PLXNC1: variants seen among roughly 807,000 people sequenced by gnomAD.
PLXNC1 encodes plexin-C1.
PLXNC1 carries 75 observed loss-of-function variants against 178.2 expected under a neutral mutation model. That is an observed-to-expected ratio of 0.42 (90% confidence interval 0.35 to 0.51). PLXNC1 has a LOEUF of 0.51. PLXNC1 is among the 20% of genes least tolerant of loss of function. The pLI is 0.02. For synonymous variants in PLXNC1, 790 were observed against 779.9 expected (o/e 1.01, Z -0.22); for missense variants, 1,503 against 1,984.4 (o/e 0.76, Z 4.61).
rs534063045 is a variant in PLXNC1 at position 94,265,553 on chromosome 12, A to G, written c.3597+328A>G. 1.8e-4 allele frequency among the ~76,000 whole-genome samples: 27 copies of G among 152,360 alleles called. No homozygotes were observed. In the East Asian group the frequency reaches 5.2e-3, roughly 29 times the overall value. ...CTATTCAGCACTTATAATTGCAATC[A>G]GAATTTCTCAAATGGCTCTGCTCTG... On this transcript the variant is annotated intron_variant, in intron 21 of 30. Coordinates refer to ENST00000258526, the MANE Select transcript of PLXNC1 (RefSeq NM_005761.3).
intron 10 of PLXNC1, among the ~76,000 whole-genome samples, chr12:94,239,885 T>C (rs1964336894): frequency 6.6e-6 from 1 of 152,230 alleles, no homozygotes; most frequent in African/African-American, 2.4e-5. Context: ...GTGCTGTGTT[T>C]TACCCTCTCA....
At chr12:94,240,693 C>T (rs753270152) in intron 11 of PLXNC1, 29 bp downstream of exon 11, 8 of 1,546,954 alleles carry the variant, frequency 5.2e-6, no homozygotes, top group Non-Finnish European at 6.2e-6. Context: ...ATCTTTTTCT[C>T]ATTGTGGTTA....
At chr12:94,198,013 C>G (rs545437146) in intron 4 of PLXNC1, among the ~76,000 whole-genome samples, 108 of 152,314 alleles carry the variant, frequency 7.1e-4, no homozygotes, top group African/African-American at 2.5e-3. Context: ...GTGTCAGTCA[C>G]TGTCCTAAGC....
At chr12:94,297,524 T>A in intron 26 of PLXNC1, 101 bp downstream of exon 26, 1 of 806,522 alleles carries the variant, frequency 1.2e-6, no homozygotes, top group South Asian at 1.6e-5. Flanking sequence ...AAATCCCTTG[T>A]GCCTTCTAGC....
In PLXNC1 at chr12:94,149,657, C is replaced by A; in HGVS notation, c.686C>A (p.Ala229Glu). ...GGGCGCCTCAAGCTGTGCGAGGGCG[C>A]GGGCAGCCTGCACTTCGTGGACGCC... ...ELGRLKLCEG[A>E]GSLHFVDAFL... The change falls in exon 1 of 31, where the codon GCG (alanine) becomes GAG (glutamate). Residue 229 changes from alanine (A) to glutamate (E), a missense_variant. By Grantham distance (107) the Ala-to-Glu change is moderately radical. Coordinates refer to ENST00000258526, the MANE Select transcript of PLXNC1 (RefSeq NM_005761.3). 2 of 1,605,684 alleles carry A rather than the reference C, an allele frequency of 1.2e-6. No homozygotes were observed. The highest frequency in any genetic ancestry group is 8.5e-7 in the Non-Finnish European group (1 of 1,176,444).
chr12:94,218,389 A>C (rs1963704029), intron 5 of PLXNC1, among the ~76,000 whole-genome samples: 1 of 152,208 alleles, frequency 6.6e-6, no homozygotes, highest in African/African-American at 2.4e-5. Context: ...CTTAGGTGGC[A>C]GTGCCTAAGT....
chr12:94,274,155 T>TAAAAAAAAAAAAAAAAAAAAA (rs3060881), intron 21 of PLXNC1, among the ~76,000 whole-genome samples: 2 of 45,376 alleles, frequency 4.4e-5, no homozygotes, highest in African/African-American at 2.4e-4. Context: ...ACCCTGTCTC[T>TAAAAAAAAAAAAAAAAAAAAA]AAAAAAAAAA....
intron 1 of PLXNC1, among the ~76,000 whole-genome samples, chr12:94,164,811 G>A (rs1282728500): frequency 1.3e-5 from 2 of 152,032 alleles, no homozygotes. Context: ...TTGAGCCAAG[G>A]TAGCTTTCTC....
intron 4 of PLXNC1, among the ~76,000 whole-genome samples, chr12:94,192,708 G>A (rs1962770997): frequency 6.6e-6 from 1 of 152,038 alleles, no homozygotes; most frequent in Admixed American, 6.6e-5. Context: ...AGCCCTGGCT[G>A]ACATCATGCT....
chr12:94,282,875 T>C (rs1966550730), intron 23 of PLXNC1: 2 of 156,136 alleles, frequency 1.3e-5, no homozygotes, highest in Admixed American at 6.2e-5. Flanking sequence ...TGAGCGATAC[T>C]TCCTTTGGCC....
At position 94,303,746 on chromosome 12, in the gene PLXNC1, T is replaced by C. The variant is rs946660444; in HGVS notation, c.4387-10T>C. 6 of 1,401,600 alleles carry C rather than the reference T, an allele frequency of 4.3e-6. No individual in the cohort carries two copies. Among genetic ancestry groups the C allele is most frequent in the South Asian group, 1.7e-5 (1 of 57,426 alleles). 86.8% of individuals were successfully genotyped at this position (1,401,600 alleles called of 1,614,324 possible). A position where few individuals can be genotyped will look rare whatever the true frequency, so the allele number is the denominator to read the frequency against. On this transcript the variant is annotated splice_polypyrimidine_tract_variant and intron_variant, in intron 28 of 30. Coordinates refer to ENST00000258526, the MANE Select transcript of PLXNC1 (RefSeq NM_005761.3). The stretch of plus-strand genomic sequence containing the variant: ...GGTGATGGTTGCTTTTTTTTTTTTT[T>C]TTTCCCCAGGAAGCACCAACTAATA...
chr12:94,272,835 TGTGGGGTTC>T (rs2136110179), intron 21 of PLXNC1, among the ~76,000 whole-genome samples: 1 of 152,338 alleles, frequency 6.6e-6, no homozygotes, highest in South Asian at 2.1e-4. Context: ...CAGTGGGTTC[TGTGGGGTTC>T]AATATCAAGC....
chr12:94,202,666 T>G (rs1011485554), intron 4 of PLXNC1, among the ~76,000 whole-genome samples: 30 of 152,208 alleles, frequency 2.0e-4, no homozygotes, highest in African/African-American at 7.2e-4. Context: ...TGGCACACGC[T>G]CGGGAGGGCC....
rs555642896 is a variant in PLXNC1 at position 94,218,546 on chromosome 12, C to T, written c.1555-1470C>T. ...CTCATTCCCATCAGATCCCATCATG[C>T]GCCTGATGCAAAAGGAGTCCACTGT... is the stretch of plus-strand genomic sequence containing the variant. On this transcript the variant is annotated intron_variant, in intron 5 of 30. Transcript: ENST00000258526. 4.7e-4 allele frequency among the ~76,000 whole-genome samples: 71 copies of T among 152,260 alleles called. 1 individual carries two copies. In the South Asian group the frequency reaches 6.4e-3, roughly 14 times the overall value.
At chr12:94,231,207 T>C (rs757531524) in intron 9 of PLXNC1, among the ~76,000 whole-genome samples, 3 of 152,164 alleles carry the variant, frequency 2.0e-5, no homozygotes, top group Admixed American at 6.5e-5. Context: ...TTGCTGGAGA[T>C]GGCATTTCAG....
chr12:94,177,149 GTATATA>G (rs1193393522), intron 2 of PLXNC1, among the ~76,000 whole-genome samples: 84 of 91,846 alleles, frequency 9.1e-4, no homozygotes, highest in African/African-American at 2.8e-3. Context: ...GTGTGTGTGT[GTATATA>G]TATATGTATA....
intron 11 of PLXNC1, among the ~76,000 whole-genome samples, chr12:94,241,632 G>T (rs1309785144): frequency 5.3e-5 from 8 of 152,060 alleles, no homozygotes; most frequent in Admixed American, 5.2e-4. Context: ...TCTGTGCCTG[G>T]CTTATTTCAC....
At chr12:94,218,310 A>T (rs1297542420) in intron 5 of PLXNC1, among the ~76,000 whole-genome samples, 1 of 152,178 alleles carries the variant, frequency 6.6e-6, no homozygotes, top group Non-Finnish European at 1.5e-5. Flanking sequence ...AAATGGGAAG[A>T]TAGGGGTGAC....
chr12:94,279,602 G>A lies in PLXNC1; in HGVS notation c.3728G>A (p.Ser1243Asn). The stretch of plus-strand genomic sequence containing the variant: ...GAAAAGATTTTCCAAGCATTCTTAA[G>A]CAAAAATGGCTCTCCTTATGGACTT... ...AKEKIFQAFL[S>N]KNGSPYGLQL... The change falls in exon 22 of 31, where the codon AGC (serine) becomes AAC (asparagine). Residue 1243 changes from serine (S) to asparagine (N), a missense_variant. This residue lies in a region of PLXNC1 where 639 missense variants were observed against 979.7 expected (regional missense o/e 0.65). Coordinates refer to ENST00000258526, the MANE Select transcript of PLXNC1 (RefSeq NM_005761.3). The A allele has an allele frequency of 6.2e-7, 1 of 1,614,196 alleles. No individual in the cohort carries two copies. Among genetic ancestry groups the A allele is most frequent in the South Asian group, 1.1e-5 (1 of 91,080 alleles).
Sources: allele counts gnomAD v4.1 joint callset (sites outside exome capture counted in the v4.1 genomes callset), GRCh38; gene constraint gnomAD v4.1.1; regional missense constraint gnomAD v4.1.1; transcripts MANE v1.5; gene names NCBI Gene and HGNC (gene_info 2026-07-23, HGNC 2026-07-21).